The following MORC3 variants were observed in gnomAD, a reference collection of about 807,000 sequenced individuals.
MORC3 encodes MORC family CW-type zinc finger protein 3.
Under a neutral mutation model 109.1 loss-of-function variants are expected in MORC3, and 31 were observed. The ratio of observed to expected loss-of-function variants is 0.28; its 90% CI spans 0.21 to 0.38. MORC3 has a LOEUF of 0.38. Among genes scored for constraint, MORC3 ranks in the 10% least tolerant of loss-of-function variants. The pLI, the probability that MORC3 is intolerant of heterozygous loss-of-function variation, is 1.00. For synonymous variants in MORC3, 395 were observed against 380.7 expected (o/e 1.04, Z -0.44); for missense variants, 867 against 1,135.8 (o/e 0.76, Z 3.40).
chr21:36,332,765 T>A (rs2085330402), intron 1 of MORC3, among the ~76,000 whole-genome samples: 1 of 148,880 alleles, frequency 6.7e-6, no homozygotes. Context: ...CCAAGTTTAG[T>A]TTAGTTTAAC....
intron 1 of MORC3, among the ~76,000 whole-genome samples, chr21:36,329,792 T>G (rs1176811937): frequency 2.0e-5 from 3 of 152,288 alleles, no homozygotes; most frequent in Admixed American, 6.5e-5. Flanking sequence ...GCAAAGTTTG[T>G]CTCTTGTGGA....
At position 36,337,715 on chromosome 21, in the gene MORC3, C is replaced by T; in HGVS notation, c.246-17C>T. 2.0e-6 allele frequency: 3 copies of T among 1,517,666 alleles called. No individual in the cohort carries two copies. The highest frequency in any genetic ancestry group is 2.4e-5 in the East Asian group (1 of 42,518). 94.0% of individuals were successfully genotyped at this position (1,517,666 alleles called of 1,614,324 possible). On this transcript the variant is annotated splice_polypyrimidine_tract_variant and intron_variant, in intron 3 of 16. Coordinates refer to ENST00000400485, the MANE Select transcript of MORC3 (RefSeq NM_015358.3). ...ATTATAGGTATTTATTTTTAAAAAT[C>T]TTTATTTTCTTCTTAGCTTTGGCTT...
intron 2 of MORC3, among the ~76,000 whole-genome samples, chr21:36,335,392 T>C (rs911543354): frequency 6.7e-6 from 1 of 148,652 alleles, no homozygotes; most frequent in African/African-American, 2.5e-5. Flanking sequence ...CTCGGCTCAC[T>C]GCAACCTCCT....
chr21:36,331,184 T>C (rs2085310929), intron 1 of MORC3, among the ~76,000 whole-genome samples: 1 of 152,230 alleles, frequency 6.6e-6, no homozygotes, highest in African/African-American at 2.4e-5. Flanking sequence ...CTCTTCACAC[T>C]GCAAAGTGCT....
In MORC3 at chr21:36,375,164, A is replaced by C; in HGVS notation, c.2688A>C (p.Arg896=). The C allele has an allele frequency of 1.2e-6, 2 of 1,613,344 alleles. No homozygotes were observed. The highest frequency in any genetic ancestry group is 1.7e-6 in the Non-Finnish European group (2 of 1,179,818). The change falls in exon 17 of 17, where the codon CGA becomes CGC. Residue 896 remains arginine, a synonymous_variant. Coordinates refer to ENST00000400485, the MANE Select transcript of MORC3 (RefSeq NM_015358.3). ...GCAGCCTCAAACTCCGATCTCTTCG[A>C]GTTAACGTAGGACAACTGCTGGCTA... ...DGESLKLRSL[R]VNVGQLLAMI... is the part of the protein sequence containing the mutation.
intron 5 of MORC3, 114 bp from the exon 6 acceptor site, chr21:36,341,285 G>A (rs765822017): frequency 2.2e-5 from 21 of 974,928 alleles, no homozygotes; most frequent in Non-Finnish European, 2.7e-5. Context: ...CCCCACTGAC[G>A]TGCACCATGT....
intron 9 of MORC3, among the ~76,000 whole-genome samples, chr21:36,352,749 C>CA (rs1316222137): frequency 6.6e-6 from 1 of 152,008 alleles, no homozygotes; most frequent in African/African-American, 2.4e-5. Flanking sequence ...GTCAAAGATC[C>CA]ACGTATAACT....
rs1432941471 is a variant in MORC3, at chr21:36,372,518, A to G, written c.2653A>G (p.Met885Val). 1 of 1,582,202 alleles carries G rather than the reference A, an allele frequency of 6.3e-7. No individual in the cohort carries two copies. The highest frequency in any genetic ancestry group is 2.3e-5 in the East Asian group (1 of 44,340). ...SSNIEESVNH[M>V]DGESLKLRSL... Reference sequence around the variant, plus strand: ...TAACATTGAGGAGTCTGTAAATCATATGGATGGAGAAAGGTAATATTAAAT... The same window carrying G: ...TAACATTGAGGAGTCTGTAAATCATGTGGATGGAGAAAGGTAATATTAAAT... The change falls in exon 16 of 17, where the codon ATG becomes GTG. Residue 885 changes from methionine to valine, a missense_variant. Physicochemically the swap from Met to Val is conservative, Grantham distance 21. Transcript: ENST00000400485.
intron 1 of MORC3, among the ~76,000 whole-genome samples, chr21:36,324,662 T>C (rs577334557): frequency 6.6e-6 from 1 of 152,094 alleles, no homozygotes; most frequent in South Asian, 2.1e-4. Context: ...TTGTTTTTGG[T>C]TTCTAATTTT....
At chr21:36,351,396 A>G (rs551616411) in intron 9 of MORC3, among the ~76,000 whole-genome samples, 8 of 152,050 alleles carry the variant, frequency 5.3e-5, no homozygotes, top group African/African-American at 1.7e-4. Context: ...CAAATACTGT[A>G]TCTTATTCCT....
At chr21:36,342,256 AATT>A (rs1407497117) in intron 6 of MORC3, among the ~76,000 whole-genome samples, 1 of 152,166 alleles carries the variant, frequency 6.6e-6, no homozygotes, top group Admixed American at 6.5e-5. Context: ...ACACACAAAA[AATT>A]TAACGTATTC....
At chr21:36,348,021 G>A (rs2085530143) in intron 8 of MORC3, 1 of 152,134 alleles carries the variant, frequency 6.6e-6, no homozygotes, top group African/African-American at 2.4e-5. Flanking sequence ...GTATGGTTTG[G>A]TCTATAGTTG....
intron 12 of MORC3, among the ~76,000 whole-genome samples, chr21:36,361,422 A>C (rs2085713725): frequency 6.6e-6 from 1 of 150,688 alleles, no homozygotes; most frequent in Non-Finnish European, 1.5e-5. Context: ...TGCATGCTGT[A>C]ATCCCAGCTA....
intron 1 of MORC3, among the ~76,000 whole-genome samples, chr21:36,322,942 A>G (rs2085209455): frequency 6.6e-6 from 1 of 152,152 alleles, no homozygotes; most frequent in Non-Finnish European, 1.5e-5. Context: ...ACTCTTACAA[A>G]TGAGCTAGCC....
intron 6 of MORC3, among the ~76,000 whole-genome samples, chr21:36,343,629 A>C (rs1349459388): frequency 1.3e-5 from 2 of 150,698 alleles, no homozygotes; most frequent in African/African-American, 4.9e-5. Flanking sequence ...TTGTATTTTT[A>C]GTAGAGACAG....
chr21:36,342,306 A>C (rs2085458678), intron 6 of MORC3, among the ~76,000 whole-genome samples: 1 of 152,202 alleles, frequency 6.6e-6, no homozygotes, highest in Admixed American at 6.5e-5. Flanking sequence ...TAAAGCAATA[A>C]ATTATAGACT....
intron 10 of MORC3, among the ~76,000 whole-genome samples, chr21:36,359,467 A>G (rs1038864893): frequency 2.0e-5 from 3 of 152,146 alleles, no homozygotes; most frequent in Admixed American, 1.3e-4. Flanking sequence ...TATTTCTAAA[A>G]AATACCTGCT....
In MORC3 at chr21:36,369,252, A is replaced by G. The variant is rs532768592; in HGVS notation, c.1884A>G (p.Ser628=). 3.1e-4 allele frequency: 496 copies of G among 1,614,220 alleles called. 8 individuals are homozygous for G. The South Asian group carries it at 5.0e-3, about 16-fold the overall frequency. ...GCCAGACTGGTTCAACAAGCACCTC[A>G]TCATCCCGATGCGACCAGGGAAATA... The part of the protein sequence containing the change: ...PCGQTGSTST[S]SSRCDQGNTA... The change falls in exon 15 of 17, where the codon TCA becomes TCG. Residue 628 remains serine (S), a synonymous_variant. Coordinates refer to ENST00000400485, the MANE Select transcript of MORC3 (RefSeq NM_015358.3).
chr21:36,332,964 A>G (rs2085333082), intron 1 of MORC3, among the ~76,000 whole-genome samples: 1 of 151,558 alleles, frequency 6.6e-6, no homozygotes, highest in African/African-American at 2.4e-5. Flanking sequence ...CTTTTTTTGT[A>G]TTTTTAGTAG....
Sources: gnomAD v4.1 joint callset for allele counts (sites outside exome capture counted in the v4.1 genomes callset) on GRCh38, gnomAD v4.1.1 for gene constraint, MANE v1.5 for transcripts, NCBI Gene and HGNC (gene_info 2026-07-23, HGNC 2026-07-21) for gene names.